The following GRM7 variants were observed in gnomAD, a reference collection of about 807,000 sequenced individuals.
GRM7 encodes the protein glutamate metabotropic receptor 7, also known as metabotropic glutamate receptor 7.
GRM7 carries 35 observed loss-of-function variants against 84.5 expected under a neutral mutation model. The observed-to-expected ratio is 0.41, with a 90% CI of 0.32 to 0.55. GRM7 has a LOEUF of 0.55. Ranked by LOEUF, GRM7 falls within the 20% of genes least tolerant of loss-of-function variation. The pLI, the probability that GRM7 is intolerant of heterozygous loss-of-function variation, is 0.19. For synonymous variants in GRM7, 487 were observed against 455.1 expected, an observed-to-expected ratio of 1.07 and a Z score of -0.89; for missense variants, 1,003 against 1,194.6, an observed-to-expected ratio of 0.84 and a Z score of 2.36.
intron 2 of GRM7, among the ~76,000 whole-genome samples, chr3:7,274,180 T>C (rs982043649): frequency 1.3e-5 from 2 of 152,066 alleles, no homozygotes; most frequent in African/African-American, 2.4e-5. Context: ...TTCTAATTCC[T>C]TCTTCTAGTC....
chr3:7,689,919 G>GGTAA (rs1268137520), intron 9 of GRM7, among the ~76,000 whole-genome samples: 2 of 152,126 alleles, frequency 1.3e-5, no homozygotes, highest in African/African-American at 4.8e-5. Flanking sequence ...AAGACTCAAA[G>GGTAA]GTAAGTAATA....
At chr3:7,635,314 G>A (rs1303772118) in intron 8 of GRM7, among the ~76,000 whole-genome samples, 1 of 152,168 alleles carries the variant, frequency 6.6e-6, no homozygotes, top group Non-Finnish European at 1.5e-5. Context: ...AGATGAACGT[G>A]GATTAAATCT....
In GRM7 at chr3:7,415,045, C is replaced by T. The variant is rs199930421; in HGVS notation, c.1056C>T (p.Ser352=). Residue 352 remains serine (S), a synonymous_variant, in exon 5 of 10, where the codon TCC becomes TCT. Coordinates refer to ENST00000357716, the MANE Select transcript of GRM7 (RefSeq NM_000844.4). The part of the protein sequence containing the change: ...TVEGFDAYFT[S]RTLENNRRNV... ...TAGGGTTTGATGCCTACTTTACGTC[C>T]CGTACACTTGAAAACAACAGAAGAA... The T allele has an allele frequency of 6.2e-7, 1 of 1,612,886 alleles. No individual in the cohort carries two copies. The highest frequency in any genetic ancestry group is 1.7e-5 in the Admixed American group (1 of 59,958).
intron 1 of GRM7, among the ~76,000 whole-genome samples, chr3:7,085,221 G>C (rs1010040416): frequency 6.6e-6 from 1 of 152,118 alleles, no homozygotes; most frequent in African/African-American, 2.4e-5. Flanking sequence ...AACAGCCTAG[G>C]CTGAAAGTTA....
intron 4 of GRM7, among the ~76,000 whole-genome samples, chr3:7,352,600 C>A (rs12491592): frequency 0.14 from 20,653 of 151,956 alleles, 1,789 homozygotes; most frequent in African/African-American, 0.25. Context: ...AGCCCCAAAG[C>A]GTTTCTACTG....
intron 2 of GRM7, among the ~76,000 whole-genome samples, chr3:7,194,439 T>C (rs1455780301): frequency 1.3e-5 from 2 of 152,212 alleles, no homozygotes; most frequent in Non-Finnish European, 2.9e-5. Flanking sequence ...GTTGTTATTG[T>C]TTCAAATATC....
intron 8 of GRM7, among the ~76,000 whole-genome samples, chr3:7,625,122 G>A (rs1184325170): frequency 6.6e-6 from 1 of 152,184 alleles, no homozygotes; most frequent in Non-Finnish European, 1.5e-5. Flanking sequence ...CTGCTTAGCT[G>A]TGTATCACAA....
intron 7 of GRM7, among the ~76,000 whole-genome samples, chr3:7,462,548 G>A (rs1446773049): frequency 6.6e-6 from 1 of 152,226 alleles, no homozygotes; most frequent in Non-Finnish European, 1.5e-5. Context: ...TATGCCATTA[G>A]CCTTTATTAA....
intron 1 of GRM7, among the ~76,000 whole-genome samples, chr3:6,943,526 G>C (rs538085658): frequency 6.6e-6 from 1 of 151,998 alleles, no homozygotes; most frequent in Admixed American, 6.6e-5. Flanking sequence ...TCAATTTATA[G>C]ATTCTATTCT....
intron 9 of GRM7, among the ~76,000 whole-genome samples, chr3:7,701,520 G>A (rs1323658396): frequency 1.3e-5 from 2 of 152,020 alleles, no homozygotes; most frequent in Admixed American, 6.6e-5. Flanking sequence ...AGCCAGGATG[G>A]TCTCGATCTC....
intron 8 of GRM7, among the ~76,000 whole-genome samples, chr3:7,672,807 C>T (rs1362667693): frequency 6.6e-6 from 1 of 151,898 alleles, no homozygotes; most frequent in Admixed American, 6.6e-5. Flanking sequence ...TGGGGTTTCA[C>T]CGTGGTCTCG....
intron 1 of GRM7, among the ~76,000 whole-genome samples, chr3:7,041,957 C>T (rs777160431): frequency 7.2e-5 from 11 of 152,126 alleles, no homozygotes; most frequent in African/African-American, 1.9e-4. Flanking sequence ...ATGAAAAACA[C>T]GAAAGGACTG....
intron 4 of GRM7, among the ~76,000 whole-genome samples, chr3:7,362,116 TGAA>T (rs1331099663): frequency 3.3e-5 from 5 of 152,076 alleles, no homozygotes; most frequent in African/African-American, 1.2e-4. Context: ...AAACCAGAAA[TGAA>T]GAGTTATGTC....
At chr3:6,934,334 C>A in intron 1 of GRM7, among the ~76,000 whole-genome samples, 1 of 152,100 alleles carries the variant, frequency 6.6e-6, no homozygotes, top group Admixed American at 6.5e-5. Context: ...TTTTTAATAT[C>A]GTTTCTGTAC....
chr3:7,729,950 C>T (rs1022609726), intron 9 of GRM7, among the ~76,000 whole-genome samples: 3 of 145,380 alleles, frequency 2.1e-5, no homozygotes, highest in Non-Finnish European at 4.5e-5. Context: ...TCTCAGCTCA[C>T]TGAAACCTCC....
intron 9 of GRM7, among the ~76,000 whole-genome samples, chr3:7,724,951 T>G (rs1006389836): frequency 5.9e-5 from 9 of 152,094 alleles, no homozygotes; most frequent in Admixed American, 2.0e-4. Flanking sequence ...TTATTTTTTT[T>G]TTATTTTTTA....
chr3:7,726,976 C>T (rs964211555), intron 9 of GRM7, among the ~76,000 whole-genome samples: 5 of 151,872 alleles, frequency 3.3e-5, no homozygotes, highest in African/African-American at 1.2e-4. Flanking sequence ...TCTTTTACAG[C>T]GTTGAAATAT....
chr3:7,478,977 C>A (rs1220043223), intron 7 of GRM7, among the ~76,000 whole-genome samples: 2 of 152,074 alleles, frequency 1.3e-5, no homozygotes, highest in Non-Finnish European at 2.9e-5. Context: ...AACCAGAAGA[C>A]AATTATAGTA....
rs1698851351 is a variant in GRM7, at chr3:7,096,119, C to G, written c.520-50333C>G. 1.3e-5 allele frequency among the ~76,000 whole-genome samples: 2 copies of G among 152,056 alleles called. 1 individual carries two copies. Among genetic ancestry groups the G allele is most frequent in the South Asian group, 4.1e-4 (2 of 4,824 alleles). ...GTTCTATCATGCCAGTGAAAATATT[C>G]TGCTCTCCCCTATCCTAAAGCTAAC... On this transcript the variant is annotated intron_variant, in intron 1 of 9. Transcript: ENST00000357716.
Sources: gnomAD v4.1 joint callset for allele counts (sites outside exome capture counted in the v4.1 genomes callset) on GRCh38, gnomAD v4.1.1 for gene constraint, MANE v1.5 for transcripts, NCBI Gene and HGNC (gene_info 2026-07-23, HGNC 2026-07-21) for gene names.